The following TRIO variants were observed in gnomAD, a reference collection of about 807,000 sequenced individuals.
The protein encoded by TRIO is trio Rho guanine nucleotide exchange factor, also known as triple functional domain protein.
TRIO carries 58 observed loss-of-function variants against 351.9 expected under a neutral mutation model. The observed-to-expected ratio is 0.16, with a 90% CI of 0.13 to 0.21. The LOEUF (loss-of-function observed/expected upper bound fraction) is 0.21. Among genes scored for constraint, TRIO ranks in the 10% least tolerant of loss-of-function variants. The pLI is 1.00. For synonymous variants in TRIO, 1,758 were observed against 1,595.7 expected, an observed-to-expected ratio of 1.10 and a Z score of -2.42; for missense variants, 3,201 against 4,027.8, an observed-to-expected ratio of 0.79 and a Z score of 5.56.
At chr5:14,270,748 G>A in intron 1 of TRIO, 77 bp from the exon 2 acceptor site, 1 of 1,084,718 alleles carries the variant, frequency 9.2e-7, no homozygotes, top group Admixed American at 1.8e-5. Flanking sequence ...TGCTGTGTTG[G>A]CATTGGATAG....
chr5:14,498,358 G>A (rs955974944), intron 52 of TRIO, 107 bp downstream of exon 52: 61 of 1,523,552 alleles, frequency 4.0e-5, no homozygotes, highest in Non-Finnish European at 4.7e-5. Flanking sequence ...GCTGCCTTCG[G>A]CACTCCACTT....
chr5:14,300,609 G>C lies in TRIO; in HGVS notation c.1368+3346G>C, dbSNP rs969891460. Among the ~76,000 whole-genome samples the C allele has an allele frequency of 5.9e-5, 9 of 152,246 alleles. No homozygotes were observed. The South Asian group carries it at 6.2e-4, about 11-fold the overall frequency. On this transcript the variant is annotated intron_variant, in intron 7 of 56. Transcript: ENST00000344204. ...AACCAAAAATAAAGTAACAGTGTTT[G>C]TATAGTTCTTTAATATTTAGAGAAC...
chr5:14,272,612 G>T (rs1039217210), intron 2 of TRIO, among the ~76,000 whole-genome samples: 1 of 70,060 alleles, frequency 1.4e-5, no homozygotes, highest in African/African-American at 6.7e-5. Flanking sequence ...GATATCTTTG[G>T]TGGGGTGGGA....
intron 33 of TRIO, among the ~76,000 whole-genome samples, chr5:14,418,326 C>G (rs778393494): frequency 1.2e-4 from 19 of 152,122 alleles, no homozygotes; most frequent in Non-Finnish European, 2.2e-4. Context: ...TTTAGAAGGT[C>G]TCCTGCCAGC....
chr5:14,406,568 G>T lies in TRIO; in HGVS notation c.4860-5G>T, dbSNP rs536654867. The T allele has an allele frequency of 1.2e-6, 2 of 1,613,758 alleles. No homozygotes were observed. Among genetic ancestry groups the T allele is most frequent in the South Asian group, 1.1e-5 (1 of 91,062 alleles). Reference sequence around the variant, plus strand: ...CAGGAACTAAAAGTTTCTTTGCACCGCCAGGGATGGAGAGGATCTGGACAG... The same window carrying T: ...CAGGAACTAAAAGTTTCTTTGCACCTCCAGGGATGGAGAGGATCTGGACAG... On this transcript the variant is annotated splice_polypyrimidine_tract_variant and splice_region_variant and intron_variant, in intron 32 of 56. Coordinates refer to ENST00000344204, the MANE Select transcript of TRIO (RefSeq NM_007118.4).
At chr5:14,326,495 T>G (rs1740399434) in intron 9 of TRIO, among the ~76,000 whole-genome samples, 1 of 152,216 alleles carries the variant, frequency 6.6e-6, no homozygotes, top group African/African-American at 2.4e-5. Flanking sequence ...TACTGAGGAA[T>G]GAGCCCACAC....
chr5:14,497,704 G>A lies in TRIO; in HGVS notation c.8020-143G>A. 9.4e-7 allele frequency: 1 copy of A among 1,060,772 alleles called. No homozygotes were observed. Among genetic ancestry groups the A allele is most frequent in the Non-Finnish European group, 1.4e-6 (1 of 698,434 alleles). The allele number at this position is 1,060,772 out of a possible 1,614,324, so 65.7% of individuals were successfully genotyped here. ...GTGTGACATGAAACTTTTGAGTGCA[G>A]TGAAAATGTGGTCTGTTTTGATTGA... On this transcript the variant is annotated intron_variant, in intron 50 of 56. Transcript: ENST00000344204. The surrounding 1 kb of genome is among the most constrained non-coding windows in gnomAD (Gnocchi z 4.4).
chr5:14,373,566 C>A (rs905222609), intron 18 of TRIO, among the ~76,000 whole-genome samples: 1 of 152,054 alleles, frequency 6.6e-6, no homozygotes, highest in East Asian at 1.9e-4. Context: ...TATCTAAAAC[C>A]CTTATTTTAA....
chr5:14,359,133 G>A (rs1290377002), intron 12 of TRIO, among the ~76,000 whole-genome samples: 1 of 152,206 alleles, frequency 6.6e-6, no homozygotes, highest in Admixed American at 6.5e-5. Context: ...AGTGATTTCA[G>A]AAAATGCCAG....
intron 1 of TRIO, among the ~76,000 whole-genome samples, chr5:14,256,349 G>C (rs1426092172): frequency 6.6e-6 from 1 of 152,138 alleles, no homozygotes; most frequent in Non-Finnish European, 1.5e-5. Context: ...CCCACCTCCA[G>C]CATGGGAGGT....
intron 9 of TRIO, among the ~76,000 whole-genome samples, chr5:14,327,268 G>A (rs536431165): frequency 1.7e-4 from 26 of 152,202 alleles, no homozygotes; most frequent in African/African-American, 6.0e-4. Flanking sequence ...AGGTTCAAGC[G>A]ATTCTCCTGC....
intron 1 of TRIO, among the ~76,000 whole-genome samples, chr5:14,230,340 TTGTGTG>T (rs59717445): frequency 0.24 from 36,460 of 148,918 alleles, 4,942 homozygotes; most frequent in Non-Finnish European, 0.31. Flanking sequence ...GGCAAGATGT[TTGTGTG>T]TGTGTGTGTG....
At chr5:14,344,554 A>C (rs912125856) in intron 11 of TRIO, among the ~76,000 whole-genome samples, 3 of 152,220 alleles carry the variant, frequency 2.0e-5, no homozygotes, top group African/African-American at 7.2e-5. Flanking sequence ...TTACACGTGG[A>C]AAGCACCTCA....
intron 1 of TRIO, among the ~76,000 whole-genome samples, chr5:14,249,119 C>T (rs1012346111): frequency 4.6e-5 from 7 of 152,272 alleles, no homozygotes; most frequent in East Asian, 3.9e-4. Flanking sequence ...ACTGACTTGT[C>T]GGTTTTTCAG....
In TRIO at chr5:14,280,404, G is replaced by A. The variant is rs886712150; in HGVS notation, c.315G>A (p.Arg105=). 3.7e-6 allele frequency: 6 copies of A among 1,614,114 alleles called. No homozygotes were observed. Among genetic ancestry groups the A allele is most frequent in the African/African-American group, 2.7e-5 (2 of 75,024 alleles). The change falls in exon 3 of 57, where the codon AGG becomes AGA. Residue 105 remains arginine, a synonymous_variant. Coordinates refer to ENST00000344204, the MANE Select transcript of TRIO (RefSeq NM_007118.4). The part of the protein sequence containing the change: ...NHDRIRQEDL[R]RLISYLACIP... The stretch of plus-strand genomic sequence containing the variant: ...ACAGAATACGACAGGAGGATCTCAG[G>A]AGACTCATTTCCTATCTAGCCTGTA...
At chr5:14,146,832 TCTC>T in intron 1 of TRIO, among the ~76,000 whole-genome samples, 1 of 152,170 alleles carries the variant, frequency 6.6e-6, no homozygotes, top group Non-Finnish European at 1.5e-5. Flanking sequence ...CTGGTGCCCT[TCTC>T]CTCTGCTGAG....
chr5:14,419,287 G>A (rs73749240), intron 33 of TRIO, among the ~76,000 whole-genome samples: 47 of 152,190 alleles, frequency 3.1e-4, no homozygotes, highest in African/African-American at 1.1e-3. Flanking sequence ...CTGAAGAGAG[G>A]CAGGTGTGCT....
At chr5:14,327,224 G>A (rs1015421576) in intron 9 of TRIO, among the ~76,000 whole-genome samples, 1 of 152,176 alleles carries the variant, frequency 6.6e-6, no homozygotes, top group African/African-American at 2.4e-5. Flanking sequence ...GAGTGCAATG[G>A]CATGATCTCA....
At chr5:14,220,825 A>T (rs576743894) in intron 1 of TRIO, among the ~76,000 whole-genome samples, 34 of 152,370 alleles carry the variant, frequency 2.2e-4, no homozygotes, top group African/African-American at 7.9e-4. Context: ...AGCCATCTCC[A>T]TAACAAAAGT....
Sources: gnomAD v4.1 joint callset for allele counts (sites outside exome capture counted in the v4.1 genomes callset) on GRCh38, gnomAD v4.1.1 for gene constraint, Gnocchi (gnomAD v3.1) non-coding constraint, MANE v1.5 for transcripts, NCBI Gene and HGNC (gene_info 2026-07-23, HGNC 2026-07-21) for gene names.